Variants in JHY observed in about 807,000 individuals in gnomAD.
JHY encodes jhy protein homolog.
A neutral mutation model predicts 78.0 loss-of-function variants in JHY; 69 were observed. That is an observed-to-expected ratio of 0.88 (90% CI 0.73 to 1.08). The LOEUF is 1.08. Ranked by LOEUF, JHY falls within the 50% of genes least tolerant of loss-of-function variation. The pLI, the probability that JHY is intolerant of heterozygous loss-of-function variation, is 0.00. For missense variants in JHY, 944 were observed against 927.8 expected (o/e 1.02, Z -0.23); for synonymous variants, 368 against 342.6 (o/e 1.07, Z -0.82).
At position 122,959,473 on chromosome 11, in the gene JHY, A is replaced by G; in HGVS notation, c.*28A>G. On this transcript the variant is annotated 3_prime_UTR_variant, in exon 9 of 9. Transcript: ENST00000227349. ...AACATTTGATAGGAAGGAGACCAAA[A>G]ATGGTCCAGGAATGAACGTGGAGAA... is the stretch of plus-strand genomic sequence containing the variant. The G allele has an allele frequency of 6.2e-7, 1 of 1,605,224 alleles. No individual in the cohort carries two copies. The highest frequency in any genetic ancestry group is 8.5e-7 in the Non-Finnish European group (1 of 1,172,920).
chr11:122,885,783 C>A lies in JHY; in HGVS notation c.-67C>A. 7.8e-7 allele frequency: 1 copy of A among 1,288,518 alleles called. No homozygotes were observed. Among genetic ancestry groups the A allele is most frequent in the Non-Finnish European group, 1.1e-6 (1 of 927,164 alleles). 79.8% of individuals were successfully genotyped at this position (1,288,518 alleles called of 1,614,324 possible). A position where few individuals can be genotyped will look rare whatever the true frequency, so the allele number is the denominator to read the frequency against. ...CAGGTAACGCTTTTGTGAACCACAA[C>A]TTTAAATATCAGCCAGCTGCTCCTA... On this transcript the variant is annotated 5_prime_UTR_variant, in exon 2 of 9. Coordinates refer to ENST00000227349, the MANE Select transcript of JHY (RefSeq NM_024806.4).
At chr11:122,952,019 A>G (rs1010039554) in intron 6 of JHY, among the ~76,000 whole-genome samples, 1 of 144,686 alleles carries the variant, frequency 6.9e-6, no homozygotes, top group Non-Finnish European at 1.5e-5. Flanking sequence ...GTATTGTGTT[A>G]CTATGACCTT....
At chr11:122,894,918 A>G (rs1244385408) in intron 2 of JHY, among the ~76,000 whole-genome samples, 1 of 152,250 alleles carries the variant, frequency 6.6e-6, no homozygotes, top group African/African-American at 2.4e-5. Flanking sequence ...TTAAATTTTT[A>G]GCAGAATAAA....
At chr11:122,941,526 C>T (rs1381217530) in intron 5 of JHY, among the ~76,000 whole-genome samples, 1 of 152,198 alleles carries the variant, frequency 6.6e-6, no homozygotes, top group African/African-American at 2.4e-5. Flanking sequence ...AAGTAAAGCT[C>T]ATGATTTCTT....
At chr11:122,951,667 C>T (rs982723506) in intron 6 of JHY, among the ~76,000 whole-genome samples, 2 of 152,170 alleles carry the variant, frequency 1.3e-5, no homozygotes, top group Admixed American at 1.3e-4. Flanking sequence ...CACTTCCAGT[C>T]GGGGCACACT....
At chr11:122,905,020 GT>G (rs201651182) in intron 3 of JHY, 505 of 625,152 alleles carry the variant, frequency 8.1e-4, no homozygotes, top group East Asian at 2.7e-3. Flanking sequence ...CATAAGGTGG[GT>G]TTTTTTTTTC....
At chr11:122,891,803 G>A (rs1245329053) in intron 2 of JHY, among the ~76,000 whole-genome samples, 2 of 152,070 alleles carry the variant, frequency 1.3e-5, no homozygotes, top group Non-Finnish European at 2.9e-5. Context: ...CTAGATAGTA[G>A]AGCCAGAAAT....
intron 2 of JHY, among the ~76,000 whole-genome samples, chr11:122,900,392 C>T (rs571424827): frequency 1.3e-5 from 2 of 151,814 alleles, no homozygotes; most frequent in East Asian, 1.9e-4. Context: ...ATAAAAAGCC[C>T]GGGTGATTTA....
intron 4 of JHY, among the ~76,000 whole-genome samples, chr11:122,929,634 A>G (rs1863595034): frequency 6.6e-6 from 1 of 152,232 alleles, no homozygotes; most frequent in African/African-American, 2.4e-5. Context: ...GGTGCCGTGC[A>G]AGGGACATTA....
intron 3 of JHY, among the ~76,000 whole-genome samples, chr11:122,915,154 C>A (rs1863209320): frequency 6.6e-6 from 1 of 152,122 alleles, no homozygotes; most frequent in Non-Finnish European, 1.5e-5. Context: ...ACCTGGCATA[C>A]CTGATAATTC....
intron 6 of JHY, among the ~76,000 whole-genome samples, chr11:122,952,926 T>C (rs1282608446): frequency 6.6e-6 from 1 of 152,178 alleles, no homozygotes; most frequent in East Asian, 1.9e-4. Flanking sequence ...AAATTTGCAA[T>C]TGTGAAATAT....
At chr11:122,931,118 T>C (rs1863626146) in intron 4 of JHY, among the ~76,000 whole-genome samples, 1 of 152,166 alleles carries the variant, frequency 6.6e-6, no homozygotes, top group South Asian at 2.1e-4. Context: ...AGACCCCACC[T>C]TTAAATAGCA....
rs148807325 is a variant in JHY, at chr11:122,943,938, G to A, written c.1635-2560G>A. On this transcript the variant is annotated intron_variant, in intron 5 of 8. Transcript: ENST00000227349. ...TTAAAACTATAGGCCAGGTGCAGTG[G>A]CTCACACCTGTAATAACAGCACTTT... 3.4e-3 allele frequency among the ~76,000 whole-genome samples: 522 copies of A among 152,236 alleles called. 1 individual carries two copies. Among genetic ancestry groups the A allele is most frequent in the African/African-American group, 0.011 (469 of 41,540 alleles).
At chr11:122,957,555 GCTT>G in intron 8 of JHY, 64 bp downstream of exon 8, 3 of 982,112 alleles carry the variant, frequency 3.1e-6, no homozygotes, top group Non-Finnish European at 1.3e-6. Context: ...TTTTATTATC[GCTT>G]TTTTTTTTTT....
At chr11:122,940,034 TAA>T (rs201842639) in intron 5 of JHY, among the ~76,000 whole-genome samples, 2 of 143,798 alleles carry the variant, frequency 1.4e-5, no homozygotes, top group Non-Finnish European at 1.5e-5. Flanking sequence ...TCCCTTTAAT[TAA>T]AAAAAAAAAA....
intron 6 of JHY, among the ~76,000 whole-genome samples, chr11:122,948,424 C>A (rs2135374665): frequency 6.8e-6 from 1 of 147,032 alleles, no homozygotes; most frequent in Non-Finnish European, 1.5e-5. Flanking sequence ...GCCTGGGCAA[C>A]AAGAGTGAAA....
At chr11:122,922,809 CAAAAAAAAAA>C (rs571482464) in intron 3 of JHY, among the ~76,000 whole-genome samples, 76 of 44,370 alleles carry the variant, frequency 1.7e-3, no homozygotes, top group Middle Eastern at 0.014. Context: ...GACTCCGTCT[CAAAAAAAAAA>C]AAAAAAAAAA....
At chr11:122,915,674 G>A (rs1340037163) in intron 3 of JHY, among the ~76,000 whole-genome samples, 2 of 152,014 alleles carry the variant, frequency 1.3e-5, no homozygotes, top group Admixed American at 6.6e-5. Context: ...CACCATGCCT[G>A]GCTAAGTTTC....
chr11:122,897,722 C>T (rs1467848195), intron 2 of JHY, among the ~76,000 whole-genome samples: 3 of 152,192 alleles, frequency 2.0e-5, no homozygotes, highest in African/African-American at 7.2e-5. Context: ...AGAAACAAAG[C>T]ACCGCAATAT....
Sources: allele counts gnomAD v4.1 joint callset (sites outside exome capture counted in the v4.1 genomes callset), GRCh38; gene constraint gnomAD v4.1.1; transcripts MANE v1.5; gene names NCBI Gene and HGNC (gene_info 2026-07-23, HGNC 2026-07-21).